The following NRXN3 variants were observed in gnomAD, a reference collection of about 807,000 sequenced individuals.
NRXN3 encodes the protein neurexin III.
Under a neutral mutation model 137.6 loss-of-function variants are expected in NRXN3, and 32 were observed. That is an observed-to-expected ratio of 0.23 (90% CI 0.18 to 0.31). The LOEUF (loss-of-function observed/expected upper bound fraction) is 0.31, where lower values mean the gene tolerates loss of function less well. Among genes scored for constraint, NRXN3 ranks in the 10% least tolerant of loss-of-function variants. The probability of loss-of-function intolerance (pLI) is 1.00; values close to 1 mark genes in which losing one functional copy is unlikely to be tolerated. For missense variants in NRXN3, 1,574 were observed against 2,062.5 expected (o/e 0.76, Z 4.59); for synonymous variants, 798 against 784.5 (o/e 1.02, Z -0.29).
chr14:78,458,173 T>C (rs2094806423), intron 4 of NRXN3, among the ~76,000 whole-genome samples: 1 of 152,230 alleles, frequency 6.6e-6, no homozygotes, highest in Non-Finnish European at 1.5e-5. Context: ...ATCTGCCTTC[T>C]GACCTAGAGA....
intron 10 of NRXN3, among the ~76,000 whole-genome samples, chr14:78,863,077 C>T (rs1406509869): frequency 6.6e-6 from 1 of 152,088 alleles, no homozygotes; most frequent in Non-Finnish European, 1.5e-5. Flanking sequence ...AACTCCTGCC[C>T]AAGATGCAGG....
chr14:78,363,764 G>A (rs987727078), intron 4 of NRXN3, among the ~76,000 whole-genome samples: 2 of 152,160 alleles, frequency 1.3e-5, no homozygotes, highest in East Asian at 3.9e-4. Context: ...CTGATTAAGG[G>A]CATACGATTC....
chr14:79,608,274 GC>G (rs962383692), intron 16 of NRXN3, among the ~76,000 whole-genome samples: 3 of 152,132 alleles, frequency 2.0e-5, no homozygotes, highest in African/African-American at 7.2e-5. Flanking sequence ...GAATTTGGTG[GC>G]CTTAGGGTAA....
At chr14:79,417,753 C>T (rs1026167351) in intron 15 of NRXN3, among the ~76,000 whole-genome samples, 1 of 152,076 alleles carries the variant, frequency 6.6e-6, no homozygotes, top group Non-Finnish European at 1.5e-5. Flanking sequence ...ATTTTACCAT[C>T]AGCGTATTTC....
At chr14:79,760,460 G>A in intron 19 of NRXN3, among the ~76,000 whole-genome samples, 1 of 146,672 alleles carries the variant, frequency 6.8e-6, no homozygotes, top group African/African-American at 2.6e-5. Flanking sequence ...AAATAACGCA[G>A]CTGTTTGGCC....
intron 15 of NRXN3, among the ~76,000 whole-genome samples, chr14:79,461,087 G>A (rs2096332235): frequency 6.6e-6 from 1 of 152,124 alleles, no homozygotes; most frequent in African/African-American, 2.4e-5. Context: ...CCTCTGTAAT[G>A]CAGAGGCCTT....
intron 14 of NRXN3, among the ~76,000 whole-genome samples, chr14:78,969,819 G>GTA (rs1337526737): frequency 1.8e-5 from 2 of 108,216 alleles, no homozygotes; most frequent in Non-Finnish European, 2.1e-5. Context: ...TATGTAGTGT[G>GTA]TGTGTGTGTG....
chr14:79,099,961 C>A (rs539032425), intron 15 of NRXN3, among the ~76,000 whole-genome samples: 1 of 152,146 alleles, frequency 6.6e-6, no homozygotes, highest in South Asian at 2.1e-4. Context: ...CAGCATTTGG[C>A]AAGGGAATGA....
chr14:78,358,200 G>C (rs944626020), intron 4 of NRXN3, among the ~76,000 whole-genome samples: 1 of 152,214 alleles, frequency 6.6e-6, no homozygotes, highest in African/African-American at 2.4e-5. Flanking sequence ...TGTAGGGGTG[G>C]TGGTAATGAG....
At chr14:79,460,491 G>T (rs1417285418) in intron 15 of NRXN3, among the ~76,000 whole-genome samples, 2 of 152,056 alleles carry the variant, frequency 1.3e-5, no homozygotes, top group African/African-American at 4.8e-5. Context: ...GGCAGAAAAA[G>T]GGTCTCACTC....
chr14:79,617,930 A>AAAAAAG (rs1385000688), intron 16 of NRXN3, among the ~76,000 whole-genome samples: 1 of 148,828 alleles, frequency 6.7e-6, no homozygotes, highest in African/African-American at 2.6e-5. Flanking sequence ...AAAAAAAAAA[A>AAAAAAG]AACATGCTTA....
chr14:78,638,497 C>A (rs1417556676), intron 4 of NRXN3, among the ~76,000 whole-genome samples: 1 of 152,180 alleles, frequency 6.6e-6, no homozygotes, highest in East Asian at 1.9e-4. Flanking sequence ...CTTGTGCAAT[C>A]TTTTGCCTTT....
chr14:78,318,638 A>G (rs1358975035), intron 4 of NRXN3, among the ~76,000 whole-genome samples: 2 of 151,964 alleles, frequency 1.3e-5, no homozygotes, highest in Non-Finnish European at 2.9e-5. Flanking sequence ...GATTCCCCCA[A>G]TGTCACTGCG....
chr14:78,340,407 A>T (rs567848098), intron 4 of NRXN3, among the ~76,000 whole-genome samples: 52 of 152,308 alleles, frequency 3.4e-4, no homozygotes, highest in African/African-American at 1.2e-3. Context: ...TGCATAACAG[A>T]TGGCTTATAA....
intron 4 of NRXN3, among the ~76,000 whole-genome samples, chr14:78,337,469 G>C (rs1333912896): frequency 6.6e-6 from 1 of 152,120 alleles, no homozygotes; most frequent in Non-Finnish European, 1.5e-5. Context: ...GGGACAGAAA[G>C]GAAGGGAAAA....
chr14:79,705,044 C>A (rs78265281), intron 19 of NRXN3, among the ~76,000 whole-genome samples: 3 of 151,996 alleles, frequency 2.0e-5, no homozygotes, highest in African/African-American at 4.8e-5. Flanking sequence ...TGAGGGCAGA[C>A]GAAGTGTGAA....
intron 10 of NRXN3, among the ~76,000 whole-genome samples, chr14:78,917,185 A>G (rs2099257514): frequency 6.6e-6 from 1 of 152,206 alleles, no homozygotes; most frequent in African/African-American, 2.4e-5. Flanking sequence ...AGAAGCACTT[A>G]AACCCAATTT....
intron 4 of NRXN3, among the ~76,000 whole-genome samples, chr14:78,363,608 A>T (rs1325659231): frequency 1.3e-5 from 2 of 152,098 alleles, no homozygotes; most frequent in Admixed American, 1.3e-4. Context: ...TTCCAAACCC[A>T]TTGCAGTGCT....
intron 4 of NRXN3, among the ~76,000 whole-genome samples, chr14:78,566,124 T>C (rs985581876): frequency 2.0e-5 from 3 of 152,068 alleles, no homozygotes; most frequent in African/African-American, 4.8e-5. Flanking sequence ...TGAGAGCCTG[T>C]GTTAAGCTCA....
Sources: allele counts gnomAD v4.1 joint callset (sites outside exome capture counted in the v4.1 genomes callset), GRCh38; gene constraint gnomAD v4.1.1; transcripts MANE v1.5; gene names NCBI Gene and HGNC (gene_info 2026-07-23, HGNC 2026-07-21).